ST3GAL1: variants seen among roughly 807,000 people sequenced by gnomAD.
The protein encoded by ST3GAL1 is CMP-N-acetylneuraminate-beta-galactosamide-alpha-2,3-sialyltransferase 1.
In ST3GAL1, 16 loss-of-function variants were observed where a neutral mutation model predicts 34.1. The ratio of observed to expected loss-of-function variants is 0.47; its 90% CI spans 0.32 to 0.71. ST3GAL1 has a LOEUF of 0.71. ST3GAL1 is among the 30% of genes least tolerant of loss of function. The pLI, the probability that ST3GAL1 is intolerant of heterozygous loss-of-function variation, is 0.04. For missense variants in ST3GAL1, 353 were observed against 447.4 expected (o/e 0.79, Z 1.90); for synonymous variants, 191 against 184.7 (o/e 1.03, Z -0.28).
intron 2 of ST3GAL1, among the ~76,000 whole-genome samples, chr8:133,518,111 G>A (rs1817696447): frequency 1.3e-5 from 2 of 152,182 alleles, no homozygotes; most frequent in South Asian, 2.1e-4. Flanking sequence ...GTGTTCCAAC[G>A]GTCACCTCTG....
intron 1 of ST3GAL1, among the ~76,000 whole-genome samples, chr8:133,563,594 C>T (rs564281208): frequency 2.6e-5 from 4 of 151,872 alleles, no homozygotes; most frequent in African/African-American, 9.7e-5. Flanking sequence ...GCATGGCGAC[C>T]ACAGGGTCAA....
At chr8:133,463,042 A>T (rs1381839821) in intron 8 of ST3GAL1, among the ~76,000 whole-genome samples, 1 of 152,198 alleles carries the variant, frequency 6.6e-6, no homozygotes, top group Non-Finnish European at 1.5e-5. Flanking sequence ...ATGGAAAGAG[A>T]TGGAGAAGCA....
intron 1 of ST3GAL1, among the ~76,000 whole-genome samples, chr8:133,557,715 G>A (rs1287751782): frequency 2.6e-5 from 4 of 152,134 alleles, no homozygotes. Context: ...AGGCGTGGTG[G>A]CGCGTGCCTG....
At chr8:133,480,811 A>G (rs1429037085) in intron 3 of ST3GAL1, among the ~76,000 whole-genome samples, 1 of 152,008 alleles carries the variant, frequency 6.6e-6, no homozygotes, top group Admixed American at 6.6e-5. Flanking sequence ...TCCCTTTCTG[A>G]TAACTTCTTT....
At chr8:133,518,972 C>G (rs576277412) in intron 2 of ST3GAL1, among the ~76,000 whole-genome samples, 1 of 151,956 alleles carries the variant, frequency 6.6e-6, no homozygotes. Context: ...AAGGGCAGCC[C>G]GTGGAGGGAA....
chr8:133,503,595 T>C (rs965799826), intron 2 of ST3GAL1, among the ~76,000 whole-genome samples: 15 of 151,230 alleles, frequency 9.9e-5, no homozygotes, highest in African/African-American at 3.7e-4. Context: ...TTTGATCAAT[T>C]GTTTTTCCTT....
intron 3 of ST3GAL1, among the ~76,000 whole-genome samples, chr8:133,497,501 C>T (rs890248588): frequency 4.6e-5 from 5 of 109,336 alleles, no homozygotes; most frequent in Non-Finnish European, 6.9e-5. Context: ...GACGGAGTCT[C>T]GCTCTTTTGC....
intron 2 of ST3GAL1, among the ~76,000 whole-genome samples, chr8:133,526,926 C>T (rs1817992966): frequency 6.6e-6 from 1 of 152,142 alleles, no homozygotes; most frequent in Non-Finnish European, 1.5e-5. Context: ...AGACATATCG[C>T]TGCACTCAGT....
At chr8:133,486,378 T>G (rs1436433185) in intron 3 of ST3GAL1, among the ~76,000 whole-genome samples, 2 of 152,136 alleles carry the variant, frequency 1.3e-5, no homozygotes, top group East Asian at 1.9e-4. Flanking sequence ...TCCCTTCCCT[T>G]GTTTTGTTTT....
At chr8:133,464,256 A>G (rs573471843) in intron 7 of ST3GAL1, among the ~76,000 whole-genome samples, 151 of 152,228 alleles carry the variant, frequency 9.9e-4, no homozygotes, top group Admixed American at 3.7e-3. Flanking sequence ...ATATGTGCCG[A>G]GTGCCACGTG....
intron 6 of ST3GAL1, 69 bp from the exon 7 acceptor site, chr8:133,465,026 C>T (rs1263887853): frequency 1.0e-5 from 15 of 1,500,576 alleles, no homozygotes; most frequent in South Asian, 7.8e-5. Context: ...CTGAGAGCTC[C>T]GAGAGAGTGA....
intron 2 of ST3GAL1, among the ~76,000 whole-genome samples, chr8:133,535,809 A>T (rs563244161): frequency 1.3e-5 from 2 of 152,332 alleles, no homozygotes; most frequent in Non-Finnish European, 1.5e-5. Context: ...AGTATTTTTT[A>T]ATTAAGATAT....
chr8:133,541,120 T>TAGAGAGAGAG (rs1554618899), intron 2 of ST3GAL1, among the ~76,000 whole-genome samples: 919 of 48,592 alleles, frequency 0.019, 74 homozygotes, highest in Non-Finnish European at 0.024. Flanking sequence ...TATATATATA[T>TAGAGAGAGAG]AGAGAGAGAG....
Position 133,570,930 on chromosome 8 carries a change from G to A in ST3GAL1, c.-582+763C>T, listed in dbSNP as rs149231036. On this transcript the variant is annotated intron_variant, in intron 1 of 9. Coordinates refer to ENST00000522652, the MANE Select transcript of ST3GAL1 (RefSeq NM_173344.3). The surrounding 1 kb of genome is among the most constrained non-coding windows in gnomAD (Gnocchi z 5.6). ...GAGCTGCGACGCCTCACGGGGTTGGGGCGGATTCAGAGTTTCGAGTTGCCA... is the reference window on the plus strand; with the variant it reads ...GAGCTGCGACGCCTCACGGGGTTGGAGCGGATTCAGAGTTTCGAGTTGCCA... Among the ~76,000 whole-genome samples, 3 of 152,308 alleles carry A rather than the reference G, an allele frequency of 2.0e-5. No homozygotes were observed. Among genetic ancestry groups the A allele is most frequent in the African/African-American group, 4.8e-5 (2 of 41,574 alleles).
In ST3GAL1 at chr8:133,457,293, T is replaced by C. The variant is rs11782689; in HGVS notation, c.*2471A>G. The C allele has an allele frequency of 0.17, 25,335 of 152,208 alleles. 2,676 individuals carry two copies. Among genetic ancestry groups the C allele is most frequent in the East Asian group, 0.53 (2,724 of 5,152 alleles). 9.4% of individuals were successfully genotyped at this position (152,208 alleles called of 1,614,324 possible). On this transcript the variant is annotated 3_prime_UTR_variant, in exon 10 of 10. Coordinates refer to ENST00000522652, the MANE Select transcript of ST3GAL1 (RefSeq NM_173344.3). ...GCTCAGACGCAGACACATCTTCATG[T>C]TGAGGGACCTATTCTTACACAGCAA...
chr8:133,487,181 T>C (rs1816636721), intron 3 of ST3GAL1, among the ~76,000 whole-genome samples: 1 of 152,160 alleles, frequency 6.6e-6, no homozygotes. Context: ...CCTCGTGATC[T>C]GCCCACCTTG....
chr8:133,500,515 C>T (rs1448116697), intron 2 of ST3GAL1, among the ~76,000 whole-genome samples: 1 of 152,202 alleles, frequency 6.6e-6, no homozygotes, highest in Admixed American at 6.5e-5. Flanking sequence ...CTTAACATAA[C>T]TAATGTCACC....
At chr8:133,493,726 G>A (rs903086110) in intron 3 of ST3GAL1, among the ~76,000 whole-genome samples, 2 of 151,980 alleles carry the variant, frequency 1.3e-5, no homozygotes, top group African/African-American at 2.4e-5. Context: ...TGTGCCTGTA[G>A]TCCCAGCTAC....
At chr8:133,536,548 C>T (rs1818316869) in intron 2 of ST3GAL1, among the ~76,000 whole-genome samples, 1 of 152,282 alleles carries the variant, frequency 6.6e-6, no homozygotes, top group Middle Eastern at 3.4e-3. Context: ...CATGGAAAGC[C>T]CCTTCTTTCT....
Sources: allele counts gnomAD v4.1 joint callset (sites outside exome capture counted in the v4.1 genomes callset), GRCh38; gene constraint gnomAD v4.1.1; non-coding constraint Gnocchi (gnomAD v3.1); transcripts MANE v1.5; gene names NCBI Gene and HGNC (gene_info 2026-07-23, HGNC 2026-07-21).